Variants in LRIF1 observed in about 807,000 individuals in gnomAD.
LRIF1 encodes the protein ligand dependent nuclear receptor interacting factor 1, also known as ligand-dependent nuclear receptor-interacting factor 1.
LRIF1 carries 32 observed loss-of-function variants against 52.7 expected under a neutral mutation model. That is an observed-to-expected ratio of 0.61 (90% CI 0.46 to 0.82). The LOEUF is 0.82. LRIF1 is among the 40% of genes least tolerant of loss of function. LRIF1 has a pLI of 0.00. For missense variants in LRIF1, 887 were observed against 892.0 expected (o/e 0.99, Z 0.07); for synonymous variants, 323 against 317.4 (o/e 1.02, Z -0.19).
At chr1:110,889,158 A>G in the LRIF1 span, among the ~76,000 whole-genome samples, 2 of 152,204 alleles carry the variant, frequency 1.3e-5, no homozygotes, top group Non-Finnish European at 2.9e-5. Context: ...ATTTATTCAT[A>G]GATGTGTCTT....
intron 3 of LRIF1, 78 bp from the exon 4 acceptor site, chr1:110,948,477 C>T (rs1658307731): frequency 3.4e-6 from 5 of 1,478,194 alleles, no homozygotes; most frequent in South Asian, 1.4e-5. Context: ...AACTTAACAA[C>T]GTCTGCAGAA....
chr1:110,878,563 AT>A, the LRIF1 span, among the ~76,000 whole-genome samples: 3 of 151,782 alleles, frequency 2.0e-5, no homozygotes, highest in African/African-American at 4.8e-5. Flanking sequence ...TAAATGTAGA[AT>A]TTTTTTTTAA....
the LRIF1 span, among the ~76,000 whole-genome samples, chr1:110,934,074 C>A: frequency 6.6e-6 from 1 of 152,142 alleles, no homozygotes; most frequent in African/African-American, 2.4e-5. Context: ...GATGACATTT[C>A]TAAACACACC....
chr1:110,906,185 G>A, the LRIF1 span, among the ~76,000 whole-genome samples: 1 of 151,962 alleles, frequency 6.6e-6, no homozygotes, highest in South Asian at 2.1e-4. Context: ...AGAGATTTTG[G>A]CAATGTTATT....
At chr1:110,897,964 A>G in the LRIF1 span, 3 of 793,570 alleles carry the variant, frequency 3.8e-6, no homozygotes, top group Non-Finnish European at 6.4e-6. Flanking sequence ...GAATAATACC[A>G]GGTACACAGT....
the LRIF1 span, among the ~76,000 whole-genome samples, chr1:110,914,357 A>C: frequency 1.3e-5 from 2 of 152,236 alleles, no homozygotes; most frequent in African/African-American, 4.8e-5. Flanking sequence ...AAATGAGAAA[A>C]AGACAGATAA....
At chr1:110,917,399 T>C in the LRIF1 span, among the ~76,000 whole-genome samples, 1 of 152,206 alleles carries the variant, frequency 6.6e-6, no homozygotes, top group Non-Finnish European at 1.5e-5. Flanking sequence ...CAAAATTGTG[T>C]AAGTAAAATT....
chr1:110,942,585 G>C (rs11102184), downstream of LRIF1, among the ~76,000 whole-genome samples: 1 of 151,858 alleles, frequency 6.6e-6, no homozygotes, highest in East Asian at 1.9e-4. Context: ...TCACAGTAGA[G>C]GTGGTGAGCA....
chr1:110,903,355 G>A, the LRIF1 span, among the ~76,000 whole-genome samples: 1,270 of 152,258 alleles, frequency 8.3e-3, 9 homozygotes, highest in South Asian at 0.021. Context: ...TCACAGCTTC[G>A]AAAGAGACAC....
chr1:110,953,332 T>C (rs899278972), intron 1 of LRIF1, among the ~76,000 whole-genome samples: 1 of 152,258 alleles, frequency 6.6e-6, no homozygotes, highest in Non-Finnish European at 1.5e-5. Flanking sequence ...TTACCTTAGT[T>C]TGCCACATTT....
At chr1:110,939,813 C>T in the LRIF1 span, 3 of 152,200 alleles carry the variant, frequency 2.0e-5, no homozygotes, top group Admixed American at 6.5e-5. Context: ...TCCTATTTCT[C>T]GCCATATACA....
the LRIF1 span, among the ~76,000 whole-genome samples, chr1:110,875,912 G>C: frequency 6.6e-6 from 1 of 152,202 alleles, no homozygotes; most frequent in Non-Finnish European, 1.5e-5. Flanking sequence ...CTGAGAGTTA[G>C]AGGTGAGTGC....
the LRIF1 span, among the ~76,000 whole-genome samples, chr1:110,891,161 C>A: frequency 6.6e-6 from 1 of 152,224 alleles, no homozygotes; most frequent in Non-Finnish European, 1.5e-5. Context: ...ATACTTAATT[C>A]AATGTTAAGC....
the LRIF1 span, chr1:110,940,974 A>G: frequency 1.3e-5 from 2 of 152,102 alleles, no homozygotes; most frequent in Admixed American, 1.3e-4. Flanking sequence ...TAACTAGAAG[A>G]GTGTAACTGG....
rs1384797130 is a variant in LRIF1, at chr1:110,948,122, T to G, written c.2147A>C (p.Gln716Pro). Residue 716 changes from glutamine (Q) to proline (P), a missense_variant, in exon 4 of 4, where the codon CAA becomes CCA. Gln to Pro is a moderately conservative substitution (Grantham distance 76, BLOSUM62 -1). Coordinates refer to ENST00000369763, the MANE Select transcript of LRIF1 (RefSeq NM_018372.4). ...ATAATTTTTATTGAAGAAATGACTT[T>G]GTTCATAAGCTGCATTTGAATTCAA... The part of the protein sequence containing the change: ...GTLNSNAAYE[Q>P]SHFFNKNYTE... The G allele has an allele frequency of 6.2e-7, 1 of 1,614,142 alleles. No individual in the cohort carries two copies. The highest frequency in any genetic ancestry group is 1.1e-5 in the South Asian group (1 of 91,084).
intron 1 of LRIF1, among the ~76,000 whole-genome samples, chr1:110,959,848 G>T (rs1658874066): frequency 6.6e-6 from 1 of 151,492 alleles, no homozygotes; most frequent in African/African-American, 2.4e-5. Context: ...ATTGATATGA[G>T]GCATTCATAT....
the LRIF1 span, among the ~76,000 whole-genome samples, chr1:110,880,766 C>T: frequency 6.6e-6 from 1 of 152,140 alleles, no homozygotes; most frequent in Non-Finnish European, 1.5e-5. Flanking sequence ...CCTCAAGGAG[C>T]TCACATTCTA....
chr1:110,905,548 A>G, the LRIF1 span, among the ~76,000 whole-genome samples: 14 of 152,340 alleles, frequency 9.2e-5, no homozygotes, highest in African/African-American at 3.4e-4. Context: ...ATATCCTTCA[A>G]AAATGAAGGC....
chr1:110,961,842 T>C (rs939438287), intron 1 of LRIF1, among the ~76,000 whole-genome samples: 4 of 152,110 alleles, frequency 2.6e-5, no homozygotes, highest in African/African-American at 9.7e-5. Context: ...TACGCAACCA[T>C]TAACCAAAGT....
Sources: gnomAD v4.1 joint callset for allele counts (sites outside exome capture counted in the v4.1 genomes callset) on GRCh38, gnomAD v4.1.1 for gene constraint, MANE v1.5 for transcripts, NCBI Gene and HGNC (gene_info 2026-07-23, HGNC 2026-07-21) for gene names.